RBM33: variants seen among roughly 807,000 people sequenced by gnomAD.
The protein encoded by RBM33 is RNA-binding protein 33.
In RBM33, 28 loss-of-function variants were observed where a neutral mutation model predicts 132.6. The ratio of observed to expected loss-of-function variants is 0.21; its 90% CI spans 0.16 to 0.29. The LOEUF (loss-of-function observed/expected upper bound fraction) is 0.29, where lower values mean the gene tolerates loss of function less well. RBM33 is among the 10% of genes least tolerant of loss of function. The pLI is 1.00. For missense variants in RBM33, 1,291 were observed against 1,518.5 expected, an observed-to-expected ratio of 0.85 and a Z score of 2.49; for synonymous variants, 634 against 593.0, an observed-to-expected ratio of 1.07 and a Z score of -1.01.
chr7:155,654,528 G>C (rs1395370569), intron 1 of RBM33, among the ~76,000 whole-genome samples: 1 of 152,070 alleles, frequency 6.6e-6, no homozygotes, highest in East Asian at 1.9e-4. Flanking sequence ...CTCTCTATGA[G>C]TGTGCTTTCA....
At chr7:155,759,648 T>C (rs4716905) in intron 14 of RBM33, among the ~76,000 whole-genome samples, 10,029 of 152,180 alleles carry the variant, frequency 0.066, 514 homozygotes, top group African/African-American at 0.14. Context: ...CTCGATCTCC[T>C]GACCTCGTGA....
intron 9 of RBM33, among the ~76,000 whole-genome samples, chr7:155,734,473 G>A (rs534869977): frequency 6.6e-6 from 1 of 152,170 alleles, no homozygotes; most frequent in Non-Finnish European, 1.5e-5. Flanking sequence ...TTTTGTATTT[G>A]TAAGCTAAAA....
intron 1 of RBM33, 25 bp from the exon 2 acceptor site, chr7:155,665,150 T>G (rs1477935218): frequency 6.2e-7 from 1 of 1,606,806 alleles, no homozygotes; most frequent in Non-Finnish European, 8.5e-7. Context: ...TTAGTAAAAC[T>G]GACTTCAATG....
intron 6 of RBM33, among the ~76,000 whole-genome samples, chr7:155,702,334 A>G (rs1231557611): frequency 1.3e-5 from 2 of 152,164 alleles, no homozygotes; most frequent in East Asian, 3.9e-4. Flanking sequence ...TTGTTCAGAG[A>G]GATTCTTCTA....
chr7:155,685,130 A>T (rs1283431201), intron 5 of RBM33: 1 of 1,436,664 alleles, frequency 7.0e-7, no homozygotes, highest in Non-Finnish European at 9.4e-7. Flanking sequence ...TCTTTTTAGC[A>T]TTAGCGAAAG....
At chr7:155,655,534 C>CTTTTTTTTTTTTTTTTTTTTTTT (rs756948005) in intron 1 of RBM33, among the ~76,000 whole-genome samples, 4 of 80,118 alleles carry the variant, frequency 5.0e-5, no homozygotes, top group South Asian at 5.8e-4. Context: ...GGCTGTTTGC[C>CTTTTTTTTTTTTTTTTTTTTTTT]TTTTTTTTTT....
At chr7:155,686,024 C>T (rs1265590581) in intron 5 of RBM33, among the ~76,000 whole-genome samples, 5 of 152,328 alleles carry the variant, frequency 3.3e-5, no homozygotes, top group Admixed American at 3.3e-4. Context: ...TACCCTTTCT[C>T]CCCCTCCACC....
chr7:155,751,898 C>A (rs1310096901), intron 14 of RBM33, among the ~76,000 whole-genome samples: 2 of 152,148 alleles, frequency 1.3e-5, no homozygotes, highest in Admixed American at 1.3e-4. Flanking sequence ...TTTTCTAATG[C>A]CAACACTCCT....
At chr7:155,664,425 T>A (rs1585409564) in intron 1 of RBM33, among the ~76,000 whole-genome samples, 1 of 151,230 alleles carries the variant, frequency 6.6e-6, no homozygotes, top group African/African-American at 2.4e-5. Context: ...CGTGCCTGGC[T>A]GATTTTTTTT....
intron 13 of RBM33, among the ~76,000 whole-genome samples, chr7:155,743,438 T>G (rs951974763): frequency 6.6e-6 from 1 of 152,254 alleles, no homozygotes; most frequent in Non-Finnish European, 1.5e-5. Flanking sequence ...GATAGTTGAT[T>G]TAGGCGAACT....
intron 5 of RBM33, among the ~76,000 whole-genome samples, chr7:155,697,917 A>G (rs934888710): frequency 1.3e-5 from 2 of 152,168 alleles, no homozygotes; most frequent in East Asian, 1.9e-4. Context: ...ACCTTTGACT[A>G]TTTTTGTCAA....
chr7:155,669,845 GC>G (rs1465411391), intron 2 of RBM33, among the ~76,000 whole-genome samples: 1 of 152,154 alleles, frequency 6.6e-6, no homozygotes, highest in Non-Finnish European at 1.5e-5. Flanking sequence ...GAGGGGAGGG[GC>G]CGGTCTTTCT....
At chr7:155,657,648 C>T (rs774227364) in intron 1 of RBM33, among the ~76,000 whole-genome samples, 1 of 152,242 alleles carries the variant, frequency 6.6e-6, no homozygotes, top group Non-Finnish European at 1.5e-5. Flanking sequence ...GCTAGGGCAA[C>T]AGGCTCCAGC....
chr7:155,770,534 A>G (rs1422814410), intron 16 of RBM33, among the ~76,000 whole-genome samples: 1 of 150,650 alleles, frequency 6.6e-6, no homozygotes, highest in East Asian at 2.0e-4. Flanking sequence ...TACATCTCTC[A>G]TGATTTATAA....
At chr7:155,676,221 C>G (rs1799181413) in intron 3 of RBM33, among the ~76,000 whole-genome samples, 1 of 152,154 alleles carries the variant, frequency 6.6e-6, no homozygotes, top group African/African-American at 2.4e-5. Flanking sequence ...TCATTCGTGT[C>G]AAGAAGGTTG....
intron 1 of RBM33, among the ~76,000 whole-genome samples, chr7:155,657,989 TA>T (rs1327178697): frequency 6.6e-6 from 1 of 152,204 alleles, no homozygotes; most frequent in African/African-American, 2.4e-5. Flanking sequence ...CTAGTTGATT[TA>T]TAGTATTTGA....
rs558028504 is a variant in RBM33 at position 155,741,957 on chromosome 7, C to T, written c.2188C>T (p.Pro730Ser). 2 of 1,614,000 alleles carry T rather than the reference C, an allele frequency of 1.2e-6. No homozygotes were observed. Among genetic ancestry groups the T allele is most frequent in the Non-Finnish European group, 1.7e-6 (2 of 1,179,892 alleles). The change falls in exon 13 of 18, where the codon CCC becomes TCC. Residue 730 changes from proline (P) to serine (S), a missense_variant. Physicochemically the swap from Pro to Ser is moderately conservative, Grantham distance 74 (BLOSUM62 -1). Transcript: ENST00000401878. ...EMSSSRCSAT[P>S]SAQVKPIVSA... ...GAGCAGCAGCCGCTGCTCTGCCACG[C>T]CCTCAGCACAAGTGAAACCTATCGT... is the stretch of plus-strand genomic sequence containing the variant.
chr7:155,740,191 A>G lies in RBM33; in HGVS notation c.2049+165A>G, dbSNP rs751081084. ...TGAATCCATGTTTTAAAAAACACTC[A>G]GGTGATTTGTTTTCTTGACTACAAG... On this transcript the variant is annotated intron_variant, in intron 12 of 17. Transcript: ENST00000401878. Among the ~76,000 whole-genome samples the G allele has an allele frequency of 7.9e-5, 12 of 152,324 alleles. No individual in the cohort carries two copies. The Middle Eastern group carries it at 0.01, about 130-fold the overall frequency.
chr7:155,728,848 A>G (rs1320923458), intron 9 of RBM33, among the ~76,000 whole-genome samples: 2 of 152,200 alleles, frequency 1.3e-5, no homozygotes, highest in African/African-American at 4.8e-5. Flanking sequence ...TTTGAATTCA[A>G]GTTCTGCCAC....
Sources: allele counts gnomAD v4.1 joint callset (sites outside exome capture counted in the v4.1 genomes callset), GRCh38; gene constraint gnomAD v4.1.1; transcripts MANE v1.5; gene names NCBI Gene and HGNC (gene_info 2026-07-23, HGNC 2026-07-21).